EPHA3: variants seen among roughly 807,000 people sequenced by gnomAD.
The protein encoded by EPHA3 is EPH receptor A3, also known as ephrin type-A receptor 3.
A neutral mutation model predicts 107.1 loss-of-function variants in EPHA3; 42 were observed. The ratio of observed to expected loss-of-function variants is 0.39; its 90% confidence interval spans 0.31 to 0.51. EPHA3 has a LOEUF of 0.51. Among genes scored for constraint, EPHA3 ranks in the 20% least tolerant of loss-of-function variants. The pLI, the probability that EPHA3 is intolerant of heterozygous loss-of-function variation, is 0.78. For missense variants in EPHA3, 1,183 were observed against 1,211.2 expected, an observed-to-expected ratio of 0.98 and a Z score of 0.35; for synonymous variants, 461 against 424.8, an observed-to-expected ratio of 1.09 and a Z score of -1.05.
At chr3:89,229,685 T>C (rs1161608595) in intron 3 of EPHA3, among the ~76,000 whole-genome samples, 1 of 151,896 alleles carries the variant, frequency 6.6e-6, no homozygotes. Flanking sequence ...ATTACTGCAA[T>C]ATATGATAGA....
At chr3:89,193,655 T>G (rs998749302) in intron 2 of EPHA3, among the ~76,000 whole-genome samples, 9 of 152,046 alleles carry the variant, frequency 5.9e-5, no homozygotes, top group Non-Finnish European at 1.3e-4. Context: ...ATCTGTTCAC[T>G]GTACATTATA....
Position 89,273,912 on chromosome 3 carries a change from C to G in EPHA3, c.814+63392C>G, listed in dbSNP as rs563344142. On this transcript the variant is annotated intron_variant, in intron 3 of 16. Coordinates refer to ENST00000336596, the MANE Select transcript of EPHA3 (RefSeq NM_005233.6). ...ACATTTTACCACTGTGCTTTCGGGC[C>G]ATTTTATACAGCAAAATCACTAACA... Among the ~76,000 whole-genome samples the G allele has an allele frequency of 5.3e-5, 8 of 151,944 alleles. No homozygotes were observed. In the South Asian group the frequency reaches 1.7e-3, roughly 32 times the overall value.
At chr3:89,262,676 C>T (rs1373643957) in intron 3 of EPHA3, among the ~76,000 whole-genome samples, 3 of 152,244 alleles carry the variant, frequency 2.0e-5, no homozygotes, top group Non-Finnish European at 4.4e-5. Context: ...ACTCAGCCCA[C>T]CTCTCTCAAC....
intron 5 of EPHA3, among the ~76,000 whole-genome samples, chr3:89,381,182 C>T (rs1391605659): frequency 6.6e-6 from 1 of 151,760 alleles, no homozygotes; most frequent in Admixed American, 6.6e-5. Context: ...CTGTGTTAGC[C>T]AGGATGATCT....
rs1444823130 is a variant in EPHA3, at chr3:89,359,666, T to TTA, written c.1306+17582_1306+17583dup. Among the ~76,000 whole-genome samples the TTA allele has an allele frequency of 2.3e-5, 3 of 128,558 alleles. 1 individual carries two copies. The highest frequency in any genetic ancestry group is 5.4e-5 in the Non-Finnish European group (3 of 55,610). 84.3% of individuals were successfully genotyped at this position (128,558 alleles called of 152,430 possible). The stretch of plus-strand genomic sequence containing the variant: ...TCTTCTTTAGATGAACTGGCAAACA[T>TTA]TATATATTGTGTGTGTGTGTGTATA... On this transcript the variant is annotated intron_variant, in intron 5 of 16. Coordinates refer to ENST00000336596, the MANE Select transcript of EPHA3 (RefSeq NM_005233.6).
intron 2 of EPHA3, among the ~76,000 whole-genome samples, chr3:89,172,575 A>G (rs948698879): frequency 5.9e-5 from 9 of 152,170 alleles, no homozygotes; most frequent in Non-Finnish European, 1.3e-4. Context: ...TAACCTTTCC[A>G]TTGGTCACTC....
In EPHA3 at chr3:89,107,856, G is replaced by T. The variant is rs903272245; in HGVS notation, c.88+20G>T. 1 of 1,611,128 alleles carries T rather than the reference G, an allele frequency of 6.2e-7. No individual in the cohort carries two copies. The highest frequency in any genetic ancestry group is 8.5e-7 in the Non-Finnish European group (1 of 1,177,464). On this transcript the variant is annotated intron_variant, in intron 1 of 16. Transcript: ENST00000336596. ...ATGAAGGTAAGCCAGGTACCGCGAC[G>T]CACGGAGCTCTGCCCCGCGGGGCTC... is the stretch of plus-strand genomic sequence containing the variant.
chr3:89,346,420 T>G lies in EPHA3; in HGVS notation c.1306+4330T>G, dbSNP rs1184158874. On this transcript the variant is annotated intron_variant, in intron 5 of 16. Transcript: ENST00000336596. ...TTTTGGCTGCATAAATGTCTTCTTTTGAGAAGTGTCTGTTCATGTCCTTCA... is the reference window on the plus strand; with the variant it reads ...TTTTGGCTGCATAAATGTCTTCTTTGGAGAAGTGTCTGTTCATGTCCTTCA... Among the ~76,000 whole-genome samples the G allele has an allele frequency of 2.0e-5, 3 of 146,536 alleles. No homozygotes were observed. In the South Asian group the frequency reaches 6.4e-4, roughly 31 times the overall value.
At chr3:89,325,066 T>G (rs1359406567) in intron 3 of EPHA3, among the ~76,000 whole-genome samples, 5 of 152,174 alleles carry the variant, frequency 3.3e-5, no homozygotes, top group Admixed American at 2.0e-4. Context: ...TGTCCCACTG[T>G]GTATATGTAC....
rs188495291 is a variant in EPHA3 at position 89,251,635 on chromosome 3, A to C, written c.814+41115A>C. On this transcript the variant is annotated intron_variant, in intron 3 of 16. Coordinates refer to ENST00000336596, the MANE Select transcript of EPHA3 (RefSeq NM_005233.6). Reference sequence around the variant, plus strand: ...CTAAGCCCCTGCTCTTTCAACTATCATATGATTATAAAGATAAAATATATT... The same window carrying C: ...CTAAGCCCCTGCTCTTTCAACTATCCTATGATTATAAAGATAAAATATATT... Among the ~76,000 whole-genome samples the C allele has an allele frequency of 1.3e-3, 194 of 152,260 alleles. 1 individual carries two copies. The highest frequency in any genetic ancestry group is 4.3e-3 in the African/African-American group (177 of 41,586).
At chr3:89,450,766 G>T (rs1209077614) in intron 15 of EPHA3, among the ~76,000 whole-genome samples, 1 of 152,052 alleles carries the variant, frequency 6.6e-6, no homozygotes, top group Non-Finnish European at 1.5e-5. Flanking sequence ...AATTAGCCTG[G>T]TGTGGTGGCA....
chr3:89,391,407 C>CTGTTT (rs1708731881), intron 5 of EPHA3, among the ~76,000 whole-genome samples: 1 of 139,064 alleles, frequency 7.2e-6, no homozygotes, highest in African/African-American at 2.8e-5. Context: ...CTTTTCTTTT[C>CTGTTT]TTTTCTTTCT....
At chr3:89,156,251 G>C (rs540499152) in intron 2 of EPHA3, among the ~76,000 whole-genome samples, 2 of 152,126 alleles carry the variant, frequency 1.3e-5, no homozygotes, top group East Asian at 3.9e-4. Flanking sequence ...TTTTGTTTTT[G>C]TGTGAAAGCA....
intron 3 of EPHA3, among the ~76,000 whole-genome samples, chr3:89,251,452 GA>G (rs1705165722): frequency 6.6e-6 from 1 of 151,898 alleles, no homozygotes; most frequent in African/African-American, 2.4e-5. Flanking sequence ...TGATATGTGG[GA>G]AAGATCACTC....
At chr3:89,124,286 G>A (rs1393688248) in intron 1 of EPHA3, among the ~76,000 whole-genome samples, 1 of 152,150 alleles carries the variant, frequency 6.6e-6, no homozygotes, top group East Asian at 1.9e-4. Context: ...TTGAGTCAAT[G>A]TATGCAGAGA....
chr3:89,407,831 G>T (rs1389962771), intron 8 of EPHA3, among the ~76,000 whole-genome samples: 2 of 152,092 alleles, frequency 1.3e-5, no homozygotes, highest in Non-Finnish European at 2.9e-5. Context: ...CTGAACTGGA[G>T]GGTCTGCACA....
At chr3:89,306,839 A>G (rs1391259980) in intron 3 of EPHA3, among the ~76,000 whole-genome samples, 1 of 152,204 alleles carries the variant, frequency 6.6e-6, no homozygotes, top group Non-Finnish European at 1.5e-5. Context: ...ATACTTGCCA[A>G]CTATGAAGTT....
chr3:89,183,776 C>T (rs1553659851), intron 2 of EPHA3, among the ~76,000 whole-genome samples: 1 of 151,874 alleles, frequency 6.6e-6, no homozygotes, highest in Non-Finnish European at 1.5e-5. Context: ...CAAGAAGTAG[C>T]TGTCACTTTT....
intron 5 of EPHA3, among the ~76,000 whole-genome samples, chr3:89,383,850 A>G (rs577155796): frequency 0.016 from 2,411 of 151,486 alleles, 66 homozygotes; most frequent in African/African-American, 0.055. Flanking sequence ...GGGTTTCACT[A>G]TGTTAGCCAG....
Sources: allele counts gnomAD v4.1 joint callset (sites outside exome capture counted in the v4.1 genomes callset), GRCh38; gene constraint gnomAD v4.1.1; transcripts MANE v1.5; gene names NCBI Gene and HGNC (gene_info 2026-07-23, HGNC 2026-07-21).